ARHGEF18: variants seen among roughly 807,000 people sequenced by gnomAD.
The protein encoded by ARHGEF18 is rho guanine nucleotide exchange factor 18.
Under a neutral mutation model 155.7 loss-of-function variants are expected in ARHGEF18, and 93 were observed. That is an observed-to-expected ratio of 0.60 (90% CI 0.50 to 0.71). The LOEUF is 0.71. Ranked by LOEUF, ARHGEF18 falls within the 30% of genes least tolerant of loss-of-function variation. ARHGEF18 has a pLI of 0.00. For synonymous variants in ARHGEF18, 742 were observed against 753.1 expected (o/e 0.99, Z 0.24); for missense variants, 1,593 against 1,816.1 (o/e 0.88, Z 2.23).
intron 13 of ARHGEF18, among the ~76,000 whole-genome samples, chr19:7,443,786 C>T (rs1265639754): frequency 1.3e-5 from 2 of 152,040 alleles, no homozygotes; most frequent in Non-Finnish European, 2.9e-5. Flanking sequence ...CACCTGTAAT[C>T]CCAGCTACTT....
intron 1 of ARHGEF18, among the ~76,000 whole-genome samples, chr19:7,362,458 T>C (rs1969671732): frequency 6.6e-6 from 1 of 152,068 alleles, no homozygotes; most frequent in Non-Finnish European, 1.5e-5. Context: ...ACAAATTGAT[T>C]TCATACATAA....
rs879464103 is a variant in ARHGEF18 at position 7,362,155 on chromosome 19, G to GAGGAGAAGA, written c.-110-587_-110-579dup. 4.8e-3 allele frequency among the ~76,000 whole-genome samples: 180 copies of GAGGAGAAGA among 37,636 alleles called. 12 individuals carry two copies. The highest frequency in any genetic ancestry group is 0.023 in the East Asian group (26 of 1,120). 24.7% of individuals were successfully genotyped at this position (37,636 alleles called of 152,430 possible). A position where few individuals can be genotyped will look rare whatever the true frequency, so the allele number is the denominator to read the frequency against. ...GGAGAAGGAGAAGGAGAAGGAGAAG[G>GAGGAGAAGA]AGGAGAAGAAGGAGAAGAAGGAGAA... On this transcript the variant is annotated intron_variant, in intron 1 of 28. Coordinates refer to ENST00000668164, the MANE Select transcript of ARHGEF18 (RefSeq NM_001367823.1).
intron 10 of ARHGEF18, among the ~76,000 whole-genome samples, chr19:7,404,863 C>T (rs1397045701): frequency 6.6e-6 from 1 of 152,148 alleles, no homozygotes; most frequent in Non-Finnish European, 1.5e-5. Context: ...ACAGAACATT[C>T]TATACCGTGA....
downstream of ARHGEF18, among the ~76,000 whole-genome samples, chr19:7,476,594 G>A (rs1396007550): frequency 2.6e-5 from 4 of 152,246 alleles, no homozygotes; most frequent in South Asian, 4.1e-4. Flanking sequence ...GCCCTGCGTC[G>A]GCAGCACAGT....
In ARHGEF18 at chr19:7,395,997, C is replaced by T. The variant is rs1971684298; in HGVS notation, c.967+12794C>T. Among the ~76,000 whole-genome samples the T allele has an allele frequency of 6.6e-6, 1 of 152,060 alleles. No homozygotes were observed. The highest frequency in any genetic ancestry group is 2.1e-4 in the South Asian group (1 of 4,812). ...GATAGTTTCAACCCTTGACCTCCTC[C>T]TTCCCTTCCCGCTCTAGTAGAGCCC... On this transcript the variant is annotated intron_variant, in intron 10 of 28. Transcript: ENST00000668164. The surrounding 1 kb of genome is among the most constrained non-coding windows in gnomAD (Gnocchi z 5.0).
In ARHGEF18 at chr19:7,440,317, C is replaced by T; in HGVS notation, c.968-27C>T. On this transcript the variant is annotated intron_variant, in intron 10 of 28. Transcript: ENST00000668164. This position sits in a 1 kb window ranked among gnomAD's most constrained non-coding sequence, Gnocchi z 5.4. ...CGCTACCCGACCCACTTTCTCAGCA[C>T]CAACTCTGTCCTTGCCTCTGTCACA... is the stretch of plus-strand genomic sequence containing the variant. 1 of 1,606,502 alleles carries T rather than the reference C, an allele frequency of 6.2e-7. No individual in the cohort carries two copies.
chr19:7,379,066 GTGTC>G (rs1970601966), intron 6 of ARHGEF18, 52 bp from the exon 7 acceptor site: 1 of 1,227,976 alleles, frequency 8.1e-7, no homozygotes, highest in Non-Finnish European at 1.0e-6. Flanking sequence ...CTAGGGGAGA[GTGTC>G]TGTAACCTGG....
chr19:7,404,457 CTTTTTTTT>C (rs35583640), intron 10 of ARHGEF18, among the ~76,000 whole-genome samples: 1 of 115,282 alleles, frequency 8.7e-6, no homozygotes, highest in Non-Finnish European at 1.7e-5. Flanking sequence ...GGATCTCTCT[CTTTTTTTT>C]TTTTTTTTTT....
At chr19:7,380,311 T>C (rs112294362) in intron 7 of ARHGEF18, among the ~76,000 whole-genome samples, 2,521 of 151,742 alleles carry the variant, frequency 0.017, 75 homozygotes, top group African/African-American at 0.057. Flanking sequence ...ACCCCGTCTC[T>C]ACTAAAAAAT....
chr19:7,477,872 A>T, the ARHGEF18 span, among the ~76,000 whole-genome samples: 1 of 152,160 alleles, frequency 6.6e-6, no homozygotes, highest in East Asian at 1.9e-4. Flanking sequence ...AAAAAACAAA[A>T]TTAGCCAGGC....
chr19:7,353,538 C>T (rs539917055), intron 1 of ARHGEF18, among the ~76,000 whole-genome samples: 27 of 143,022 alleles, frequency 1.9e-4, no homozygotes, highest in Middle Eastern at 8.3e-3. Flanking sequence ...TGCAGTGAGC[C>T]GAGATTGCGC....
At position 7,361,924 on chromosome 19, in the gene ARHGEF18, G is replaced by A. The variant is rs947878216; in HGVS notation, c.-110-857G>A. On this transcript the variant is annotated intron_variant, in intron 1 of 28. Transcript: ENST00000668164. ...GGAGAATGGCTTGAACTCGGGAGGC[G>A]GAGGTTGTGGTGAGCTGAGATCACG... 5.9e-5 allele frequency among the ~76,000 whole-genome samples: 9 copies of A among 151,606 alleles called. No homozygotes were observed. In the South Asian group the frequency reaches 8.3e-4, roughly 14 times the overall value.
chr19:7,440,276 C>G lies in ARHGEF18; in HGVS notation c.968-68C>G, dbSNP rs2145772340. ...TGCGGCCGCAGTCGGAGCGGGGCTT[C>G]CGCGCCGGGGACCTCCGCTACCCGA... On this transcript the variant is annotated intron_variant, in intron 10 of 28. Coordinates refer to ENST00000668164, the MANE Select transcript of ARHGEF18 (RefSeq NM_001367823.1). This position sits in a 1 kb window ranked among gnomAD's most constrained non-coding sequence, Gnocchi z 5.4. 5.1e-6 allele frequency: 8 copies of G among 1,563,402 alleles called. No individual in the cohort carries two copies. Among genetic ancestry groups the G allele is most frequent in the Non-Finnish European group, 6.9e-6 (8 of 1,154,164 alleles).
At chr19:7,376,858 G>T in intron 5 of ARHGEF18, 101 bp downstream of exon 5, 1 of 876,946 alleles carries the variant, frequency 1.1e-6, no homozygotes, top group South Asian at 6.0e-5. Context: ...TCATCCTGGA[G>T]GGTCCCCTTG....
At position 7,379,520 on chromosome 19, in the gene ARHGEF18, T is replaced by C. The variant is rs556047186; in HGVS notation, c.644+354T>C. 1.6e-4 allele frequency among the ~76,000 whole-genome samples: 24 copies of C among 152,268 alleles called. No individual in the cohort carries two copies. In the South Asian group the frequency reaches 4.1e-3, roughly 26 times the overall value. The stretch of plus-strand genomic sequence containing the variant: ...GTTGCAGTGAGCTGAGACTGCACCA[T>C]TGTACTCCAGCCTGGGCAACACAGT... On this transcript the variant is annotated intron_variant, in intron 7 of 28. Transcript: ENST00000668164.
intron 2 of ARHGEF18, among the ~76,000 whole-genome samples, chr19:7,363,371 G>T (rs1969713227): frequency 6.6e-6 from 1 of 151,918 alleles, no homozygotes; most frequent in African/African-American, 2.4e-5. Context: ...AAAGCTAGAT[G>T]GATAGATGGA....
downstream of ARHGEF18, chr19:7,477,210 T>C: frequency 6.7e-7 from 1 of 1,497,686 alleles, no homozygotes; most frequent in Non-Finnish European, 8.9e-7. Context: ...TGTCAGGGGG[T>C]AGTGGCCTCG....
At chr19:7,423,290 G>A (rs1171117038) in intron 10 of ARHGEF18, among the ~76,000 whole-genome samples, 2 of 152,092 alleles carry the variant, frequency 1.3e-5, no homozygotes, top group African/African-American at 4.8e-5. Context: ...TTGGCCCCTT[G>A]CTCTGTTCTC....
chr19:7,417,669 C>G (rs906889933), intron 10 of ARHGEF18, among the ~76,000 whole-genome samples: 1 of 152,154 alleles, frequency 6.6e-6, no homozygotes, highest in African/African-American at 2.4e-5. Flanking sequence ...TGTACTCCAG[C>G]CTGCATGACA....
Sources: allele counts gnomAD v4.1 joint callset (sites outside exome capture counted in the v4.1 genomes callset), GRCh38; gene constraint gnomAD v4.1.1; non-coding constraint Gnocchi (gnomAD v3.1); transcripts MANE v1.5; gene names NCBI Gene and HGNC (gene_info 2026-07-23, HGNC 2026-07-21).